Variants in PPARGC1A observed in about 807,000 individuals in gnomAD.
The protein encoded by PPARGC1A is PPARG coactivator 1 alpha, also known as peroxisome proliferator-activated receptor gamma coactivator 1-alpha.
A neutral mutation model predicts 88.7 loss-of-function variants in PPARGC1A; 25 were observed. The observed-to-expected ratio is 0.28, with a 90% CI of 0.21 to 0.39. The LOEUF (loss-of-function observed/expected upper bound fraction) is 0.39. PPARGC1A is among the 10% of genes least tolerant of loss of function. The pLI is 1.00. For synonymous variants in PPARGC1A, 363 were observed against 355.6 expected (o/e 1.02, Z -0.24); for missense variants, 880 against 968.7 (o/e 0.91, Z 1.22).
chr4:24,017,755 G>A, the PPARGC1A span, among the ~76,000 whole-genome samples: 1 of 151,958 alleles, frequency 6.6e-6, no homozygotes, highest in African/African-American at 2.4e-5. Flanking sequence ...AAGATGAATG[G>A]GACCCTAGAA....
rs762406141 is a variant in PPARGC1A at position 23,814,359 on chromosome 4, C to T, written c.1124G>A (p.Arg375Gln). Reference protein sequence around the residue: ...TGGHEERKTKRPSLRLFGDHD... With the variant: ...TGGHEERKTKQPSLRLFGDHD... ...GTCACCAAACAGCCGCAGACTGGGC[C>T]GCTTGGTCTTCCTTTCCTCGTGTCC... The change falls in exon 8 of 13, where the codon CGG (arginine) becomes CAG (glutamine). Residue 375 changes from arginine to glutamine, a missense_variant. Arg to Gln is a conservative substitution (Grantham distance 43). Transcript: ENST00000264867. The T allele has an allele frequency of 6.8e-6, 11 of 1,613,864 alleles. No individual in the cohort carries two copies. Among genetic ancestry groups the T allele is most frequent in the Middle Eastern group, 1.7e-4 (1 of 6,060 alleles).
At chr4:23,982,699 CT>C in the PPARGC1A span, among the ~76,000 whole-genome samples, 3 of 152,108 alleles carry the variant, frequency 2.0e-5, no homozygotes, top group African/African-American at 7.2e-5. Flanking sequence ...GCTGCTTCAC[CT>C]GAAATAAGCT....
the PPARGC1A span, among the ~76,000 whole-genome samples, chr4:24,097,285 G>T: frequency 2.1e-3 from 318 of 152,272 alleles, no homozygotes; most frequent in African/African-American, 7.3e-3. Context: ...GGGGTGAAGG[G>T]AGCAGGAGGA....
chr4:24,208,137 T>A, the PPARGC1A span, among the ~76,000 whole-genome samples: 1 of 152,010 alleles, frequency 6.6e-6, no homozygotes, highest in Non-Finnish European at 1.5e-5. Flanking sequence ...TTAAAAATTA[T>A]CTGGGCGCAT....
At chr4:23,949,349 C>T in the PPARGC1A span, among the ~76,000 whole-genome samples, 1 of 152,138 alleles carries the variant, frequency 6.6e-6, no homozygotes, top group African/African-American at 2.4e-5. Flanking sequence ...CTGGGCTGTT[C>T]CATTATGGAA....
At chr4:24,402,278 G>A in the PPARGC1A span, among the ~76,000 whole-genome samples, 1 of 152,216 alleles carries the variant, frequency 6.6e-6, no homozygotes, top group Non-Finnish European at 1.5e-5. Flanking sequence ...CTCTGCAGCG[G>A]CTGCTACAGC....
the PPARGC1A span, among the ~76,000 whole-genome samples, chr4:24,037,825 G>T: frequency 6.6e-6 from 1 of 152,122 alleles, no homozygotes; most frequent in Non-Finnish European, 1.5e-5. Flanking sequence ...TTACCTGGCT[G>T]TCATCCCCAC....
At chr4:24,344,920 T>C in the PPARGC1A span, among the ~76,000 whole-genome samples, 68 of 152,322 alleles carry the variant, frequency 4.5e-4, no homozygotes, top group Middle Eastern at 3.4e-3. Context: ...CATCTTGAGT[T>C]GATTTTTGTA....
the PPARGC1A span, among the ~76,000 whole-genome samples, chr4:24,375,060 G>A: frequency 2.0e-5 from 3 of 150,254 alleles, no homozygotes; most frequent in Middle Eastern, 3.5e-3. Flanking sequence ...TCCCTGTCAG[G>A]TTGGGATACG....
the PPARGC1A span, among the ~76,000 whole-genome samples, chr4:24,333,937 C>A: frequency 0.083 from 853 of 10,216 alleles, 46 homozygotes; most frequent in Non-Finnish European, 0.097. Flanking sequence ...CCAACAACAA[C>A]AACAAAAAAA....
At chr4:23,799,892 C>T (rs1403476892) in intron 12 of PPARGC1A, among the ~76,000 whole-genome samples, 1 of 152,248 alleles carries the variant, frequency 6.6e-6, no homozygotes, top group Non-Finnish European at 1.5e-5. Flanking sequence ...GAAAATAAGT[C>T]AAATCAACTC....
chr4:24,171,639 A>G, the PPARGC1A span, among the ~76,000 whole-genome samples: 1 of 152,136 alleles, frequency 6.6e-6, no homozygotes, highest in Non-Finnish European at 1.5e-5. Context: ...ATATAAATTC[A>G]CAGATGAATG....
the PPARGC1A span, among the ~76,000 whole-genome samples, chr4:24,095,211 G>A: frequency 4.1e-5 from 6 of 146,494 alleles, no homozygotes; most frequent in East Asian, 6.4e-4. Flanking sequence ...TGTGCCTCCC[G>A]GGTTCAAGCA....
At chr4:24,148,154 C>A in the PPARGC1A span, among the ~76,000 whole-genome samples, 1 of 152,152 alleles carries the variant, frequency 6.6e-6, no homozygotes, top group South Asian at 2.1e-4. Flanking sequence ...ACATTTCTCC[C>A]CCCACAAAAA....
the PPARGC1A span, among the ~76,000 whole-genome samples, chr4:24,371,402 A>G: frequency 2.0e-4 from 31 of 152,254 alleles, no homozygotes; most frequent in East Asian, 7.7e-4. Context: ...TCTGTCCCCA[A>G]TACACTTCCT....
At chr4:24,232,235 T>A in the PPARGC1A span, among the ~76,000 whole-genome samples, 3 of 147,274 alleles carry the variant, frequency 2.0e-5, no homozygotes, top group African/African-American at 7.3e-5. Context: ...AAAAAAAAAA[T>A]CCTGGAGCAG....
chr4:24,141,570 A>T, the PPARGC1A span, among the ~76,000 whole-genome samples: 1 of 152,244 alleles, frequency 6.6e-6, no homozygotes, highest in Non-Finnish European at 1.5e-5. Context: ...CAAAAGCAGG[A>T]AGGCCCTAGG....
chr4:24,034,323 A>G, the PPARGC1A span, among the ~76,000 whole-genome samples: 1 of 152,250 alleles, frequency 6.6e-6, no homozygotes, highest in African/African-American at 2.4e-5. Flanking sequence ...CTCAAAAGAC[A>G]TATCACCCAA....
the PPARGC1A span, among the ~76,000 whole-genome samples, chr4:23,967,777 T>C: frequency 6.6e-6 from 1 of 152,170 alleles, no homozygotes; most frequent in Non-Finnish European, 1.5e-5. Flanking sequence ...GCAGACTCTG[T>C]CTCTGCTCTC....
Sources: allele counts gnomAD v4.1 joint callset (sites outside exome capture counted in the v4.1 genomes callset), GRCh38; gene constraint gnomAD v4.1.1; transcripts MANE v1.5; gene names NCBI Gene and HGNC (gene_info 2026-07-23, HGNC 2026-07-21).